EYS: variants seen among roughly 807,000 people sequenced by gnomAD.
EYS encodes the protein protein eyes shut homolog.
A neutral mutation model predicts 282.1 loss-of-function variants in EYS; 250 were observed. That is an observed-to-expected ratio of 0.89 (90% CI 0.80 to 0.98). EYS has a LOEUF of 0.98. EYS is among the 50% of genes least tolerant of loss of function. EYS has a pLI of 0.00. For synonymous variants in EYS, 1,355 were observed against 1,282.9 expected (o/e 1.06, Z -1.20); for missense variants, 4,016 against 3,709.0 (o/e 1.08, Z -2.15).
chr6:64,607,867 A>G (rs1222574949), intron 24 of EYS, among the ~76,000 whole-genome samples: 2 of 152,128 alleles, frequency 1.3e-5, no homozygotes, highest in African/African-American at 4.8e-5. Context: ...TGAATAAGCG[A>G]CCAACATCTC....
intron 31 of EYS, among the ~76,000 whole-genome samples, chr6:64,151,186 AAT>A (rs1774693014): frequency 6.6e-6 from 1 of 151,084 alleles, no homozygotes; most frequent in Non-Finnish European, 1.5e-5. Flanking sequence ...GATATATTAA[AAT>A]ACTCTGCTGC....
chr6:65,265,626 T>C (rs138561655), intron 12 of EYS, among the ~76,000 whole-genome samples: 9 of 152,094 alleles, frequency 5.9e-5, no homozygotes, highest in African/African-American at 2.2e-4. Flanking sequence ...AGAAATTATA[T>C]GTTTGAAAGT....
intron 1 of EYS, among the ~76,000 whole-genome samples, chr6:65,675,746 T>C (rs935119832): frequency 3.2e-4 from 48 of 151,852 alleles, no homozygotes; most frequent in African/African-American, 1.2e-3. Context: ...ATAGTCTGAT[T>C]GAACCCAACT....
intron 5 of EYS, among the ~76,000 whole-genome samples, chr6:65,452,510 A>G (rs1484469544): frequency 6.6e-6 from 1 of 152,034 alleles, no homozygotes; most frequent in African/African-American, 2.4e-5. Flanking sequence ...AGATAATAAT[A>G]TGTAATTAGT....
At chr6:65,204,440 C>T (rs1765977852) in intron 12 of EYS, among the ~76,000 whole-genome samples, 2 of 150,132 alleles carry the variant, frequency 1.3e-5, no homozygotes, top group Admixed American at 1.3e-4. Context: ...TATATCCTGC[C>T]AAATTAAGCA....
intron 2 of EYS, among the ~76,000 whole-genome samples, chr6:65,606,841 T>G (rs1765813046): frequency 6.6e-6 from 1 of 151,346 alleles, no homozygotes; most frequent in Non-Finnish European, 1.5e-5. Flanking sequence ...TTTACCAGTT[T>G]ACTTTTTTCT....
At chr6:64,383,502 T>C (rs1561962444) in intron 29 of EYS, among the ~76,000 whole-genome samples, 1 of 152,204 alleles carries the variant, frequency 6.6e-6, no homozygotes, top group Non-Finnish European at 1.5e-5. Context: ...TCCAGCGGAA[T>C]AAGCAGATGG....
intron 29 of EYS, among the ~76,000 whole-genome samples, chr6:64,351,934 A>G (rs1771657112): frequency 6.6e-6 from 1 of 151,608 alleles, no homozygotes; most frequent in African/African-American, 2.4e-5. Flanking sequence ...GAACGAAATA[A>G]TACATTCCTG....
chr6:65,517,146 G>T (rs952953449), intron 2 of EYS, among the ~76,000 whole-genome samples: 3 of 151,736 alleles, frequency 2.0e-5, no homozygotes, highest in African/African-American at 4.8e-5. Context: ...ATGGAAATTG[G>T]ATTTAAACCA....
At chr6:64,520,762 G>T (rs1777711586) in intron 26 of EYS, among the ~76,000 whole-genome samples, 1 of 151,542 alleles carries the variant, frequency 6.6e-6, no homozygotes, top group Admixed American at 6.6e-5. Flanking sequence ...TTGCTACGGG[G>T]TACTGTAAAC....
chr6:64,624,558 T>C (rs1048443973), intron 23 of EYS, among the ~76,000 whole-genome samples: 1 of 152,178 alleles, frequency 6.6e-6, no homozygotes, highest in East Asian at 1.9e-4. Flanking sequence ...TCCCATTTTA[T>C]GTACGGCTGG....
chr6:65,664,001 AG>A (rs1768112899), intron 1 of EYS, among the ~76,000 whole-genome samples: 1 of 150,350 alleles, frequency 6.7e-6, no homozygotes, highest in Non-Finnish European at 1.5e-5. Context: ...TCCCCAGAAT[AG>A]CTGGGACTAC....
Position 64,810,537 on chromosome 6 carries a change from A to T in EYS, c.3443+2841T>A, listed in dbSNP as rs190604770. ...AACAAAATATTTTAGGTTGGCAATT[A>T]AAAAAATTACAGGCAATTTTAAAGG... On this transcript the variant is annotated intron_variant, in intron 22 of 42. Transcript: ENST00000503581. Among the ~76,000 whole-genome samples the T allele has an allele frequency of 2.2e-3, 342 of 152,180 alleles. 6 individuals are homozygous for T. The highest frequency in any genetic ancestry group is 7.7e-3 in the African/African-American group (319 of 41,556).
chr6:64,676,232 T>C (rs1283496175), intron 22 of EYS, among the ~76,000 whole-genome samples: 1 of 148,296 alleles, frequency 6.7e-6, no homozygotes. Context: ...ACTTACAGGA[T>C]AGGTAGAGAA....
intron 9 of EYS, among the ~76,000 whole-genome samples, chr6:65,351,305 C>T (rs1383397150): frequency 6.6e-6 from 1 of 151,678 alleles, no homozygotes; most frequent in Non-Finnish European, 1.5e-5. Flanking sequence ...TTATAATTAG[C>T]TATATTCAGT....
Position 65,136,425 on chromosome 6 carries a change from TA to T in EYS, c.2024-78699del, listed in dbSNP as rs536212474. On this transcript the variant is annotated intron_variant, in intron 12 of 42. Transcript: ENST00000503581. ...ACTTTTTTATAGTTAGAATTATTTCTAATAGGACTATCTGAGCTACTTCGAG... is the reference window on the plus strand; with the variant it reads ...ACTTTTTTATAGTTAGAATTATTTCTATAGGACTATCTGAGCTACTTCGAG... 7.2e-3 allele frequency among the ~76,000 whole-genome samples: 1,094 copies of T among 152,176 alleles called. 16 individuals are homozygous for T. The highest frequency in any genetic ancestry group is 0.025 in the African/African-American group (1,038 of 41,546).
At chr6:64,108,505 T>C (rs1773103455) in intron 31 of EYS, among the ~76,000 whole-genome samples, 1 of 140,402 alleles carries the variant, frequency 7.1e-6, no homozygotes, top group East Asian at 2.2e-4. Flanking sequence ...AGTCCACTAC[T>C]GCTTTTTTTT....
chr6:65,545,091 C>T (rs1034568430), intron 2 of EYS, among the ~76,000 whole-genome samples: 3 of 151,922 alleles, frequency 2.0e-5, no homozygotes, highest in African/African-American at 7.2e-5. Context: ...GGGAAAGAGA[C>T]TTTTCAGTAC....
At chr6:65,577,538 C>T (rs1764715217) in intron 2 of EYS, among the ~76,000 whole-genome samples, 3 of 151,608 alleles carry the variant, frequency 2.0e-5, no homozygotes, top group African/African-American at 7.2e-5. Flanking sequence ...TGGATATAAC[C>T]CCAAAGACAC....
Sources: gnomAD v4.1 joint callset for allele counts (sites outside exome capture counted in the v4.1 genomes callset) on GRCh38, gnomAD v4.1.1 for gene constraint, MANE v1.5 for transcripts, NCBI Gene and HGNC (gene_info 2026-07-23, HGNC 2026-07-21) for gene names.